The following HSD17B12 variants were observed in gnomAD, a reference collection of about 807,000 sequenced individuals.
HSD17B12 encodes the protein very-long-chain 3-oxoacyl-CoA reductase.
In HSD17B12, 32 loss-of-function variants were observed where a neutral mutation model predicts 39.3. The observed-to-expected ratio is 0.81, with a 90% CI of 0.61 to 1.09. The LOEUF is 1.09. Ranked by LOEUF, HSD17B12 falls within the 50% of genes least tolerant of loss-of-function variation. The pLI is 0.00. For synonymous variants in HSD17B12, 150 were observed against 146.7 expected, an observed-to-expected ratio of 1.02 and a Z score of -0.16; for missense variants, 342 against 382.9, an observed-to-expected ratio of 0.89 and a Z score of 0.89.
intron 3 of HSD17B12, among the ~76,000 whole-genome samples, chr11:43,763,807 T>C (rs1950574095): frequency 6.6e-6 from 1 of 151,952 alleles, no homozygotes; most frequent in East Asian, 1.9e-4. Context: ...TTAGAAATTG[T>C]CCAGGGCAAC....
intron 6 of HSD17B12, chr11:43,830,120 T>C (rs1951293178): frequency 6.6e-6 from 1 of 152,224 alleles, no homozygotes; most frequent in South Asian, 2.1e-4. Flanking sequence ...TTAATTAATA[T>C]GAAGTATTAT....
At chr11:43,686,595 GT>G (rs368909117) in intron 1 of HSD17B12, among the ~76,000 whole-genome samples, 7,667 of 131,920 alleles carry the variant, frequency 0.058, 239 homozygotes, top group Middle Eastern at 0.17. Flanking sequence ...CTCCCACCCT[GT>G]TTTTTTTTTT....
the HSD17B12 span, among the ~76,000 whole-genome samples, chr11:43,562,658 C>G: frequency 2.2e-4 from 33 of 152,188 alleles, no homozygotes; most frequent in Admixed American, 5.9e-4. Context: ...CTACCATATG[C>G]TTTTTCTTGC....
chr11:43,854,909 G>A (rs776564646), intron 10 of HSD17B12, 45 bp downstream of exon 10: 3 of 1,597,550 alleles, frequency 1.9e-6, no homozygotes, highest in Non-Finnish European at 1.7e-6. Context: ...TCTGGCTTGG[G>A]GTTTCTTTCC....
At chr11:43,688,897 C>A (rs1949827383) in intron 1 of HSD17B12, among the ~76,000 whole-genome samples, 1 of 152,146 alleles carries the variant, frequency 6.6e-6, no homozygotes, top group Non-Finnish European at 1.5e-5. Flanking sequence ...ATAGTCCTTA[C>A]TGTATTTTTA....
chr11:43,599,172 A>G, the HSD17B12 span, among the ~76,000 whole-genome samples: 17 of 152,282 alleles, frequency 1.1e-4, no homozygotes, highest in East Asian at 2.9e-3. Flanking sequence ...TGTTCACCTA[A>G]TGGTAATGAT....
At chr11:43,582,861 T>G in the HSD17B12 span, among the ~76,000 whole-genome samples, 1 of 152,012 alleles carries the variant, frequency 6.6e-6, no homozygotes, top group African/African-American at 2.4e-5. Flanking sequence ...ATAAAGGAAA[T>G]TTTCCCTCCC....
At chr11:43,791,538 A>G (rs966451470) in intron 3 of HSD17B12, among the ~76,000 whole-genome samples, 2 of 152,040 alleles carry the variant, frequency 1.3e-5, no homozygotes, top group South Asian at 2.1e-4. Context: ...TCTCAAAAAA[A>G]AAAAAGAAGA....
chr11:43,816,663 G>A (rs1268566655), intron 6 of HSD17B12, among the ~76,000 whole-genome samples: 2 of 151,892 alleles, frequency 1.3e-5, no homozygotes, highest in South Asian at 2.1e-4. Context: ...GGTGGTGTTT[G>A]GTTACATGAG....
In HSD17B12 at chr11:43,788,685, CAAAAAAA is replaced by C. The variant is rs57970272; in HGVS notation, c.284-9617_284-9611del. 4.8e-3 allele frequency among the ~76,000 whole-genome samples: 484 copies of C among 100,910 alleles called. 6 individuals are homozygous for C. In the East Asian group the frequency reaches 0.052, roughly 11 times the overall value. 66.2% of individuals were successfully genotyped at this position (100,910 alleles called of 152,430 possible). A position where few individuals can be genotyped will look rare whatever the true frequency, so the allele number is the denominator to read the frequency against. Reference sequence around the variant, plus strand: ...ACTCTGCCACCGTCATTTCCTTCCTCAAAAAAAAAAAAAAAAAAAAAAAAGAAGTGTG... The same window carrying C: ...ACTCTGCCACCGTCATTTCCTTCCTCAAAAAAAAAAAAAAAAAGAAGTGTG... On this transcript the variant is annotated intron_variant, in intron 3 of 10. Transcript: ENST00000278353.
intron 3 of HSD17B12, among the ~76,000 whole-genome samples, chr11:43,758,026 G>C (rs1009189422): frequency 6.6e-6 from 1 of 152,134 alleles, no homozygotes; most frequent in African/African-American, 2.4e-5. Flanking sequence ...GCCTTGTTAT[G>C]CAAGGGAATT....
chr11:43,821,256 C>G (rs574418041), intron 6 of HSD17B12, among the ~76,000 whole-genome samples: 2 of 152,310 alleles, frequency 1.3e-5, no homozygotes, highest in South Asian at 2.1e-4. Flanking sequence ...AGGGATGTTT[C>G]AAAGCCTTGT....
At chr11:43,677,773 C>T (rs951435732), upstream of HSD17B12, among the ~76,000 whole-genome samples, 1 of 152,174 alleles carries the variant, frequency 6.6e-6, no homozygotes, top group African/African-American at 2.4e-5. Flanking sequence ...GACATGAACT[C>T]ATCCTTTTAT....
At chr11:43,828,038 G>A (rs1951264634) in intron 6 of HSD17B12, among the ~76,000 whole-genome samples, 1 of 151,776 alleles carries the variant, frequency 6.6e-6, no homozygotes, top group South Asian at 2.1e-4. Flanking sequence ...TACTGTCACT[G>A]AAAATATATA....
At chr11:43,774,601 TC>T (rs1479234535) in intron 3 of HSD17B12, among the ~76,000 whole-genome samples, 7 of 152,218 alleles carry the variant, frequency 4.6e-5, no homozygotes, top group African/African-American at 1.7e-4. Flanking sequence ...CATTTATTTA[TC>T]TTTATCAAGT....
intron 1 of HSD17B12, among the ~76,000 whole-genome samples, chr11:43,684,332 A>G (rs898761879): frequency 6.6e-6 from 1 of 152,264 alleles, no homozygotes; most frequent in African/African-American, 2.4e-5. Context: ...CAAGTAATCA[A>G]AAAAAGATTG....
At chr11:43,662,177 G>A in the HSD17B12 span, among the ~76,000 whole-genome samples, 1 of 149,520 alleles carries the variant, frequency 6.7e-6, no homozygotes, top group Non-Finnish European at 1.5e-5. Flanking sequence ...CCTAGCCTGA[G>A]TGACAGAGTG....
intron 9 of HSD17B12, among the ~76,000 whole-genome samples, chr11:43,846,918 A>G (rs1186350438): frequency 2.0e-5 from 3 of 152,220 alleles, no homozygotes; most frequent in East Asian, 3.9e-4. Flanking sequence ...TTTAGAAAGC[A>G]CCTAATAATC....
the HSD17B12 span, among the ~76,000 whole-genome samples, chr11:43,616,976 TAA>T: frequency 2.1e-4 from 21 of 97,906 alleles, no homozygotes; most frequent in Non-Finnish European, 2.2e-4. Flanking sequence ...TATCTCAAAT[TAA>T]AAAAAAAAAA....
Sources: gnomAD v4.1 joint callset for allele counts (sites outside exome capture counted in the v4.1 genomes callset) on GRCh38, gnomAD v4.1.1 for gene constraint, MANE v1.5 for transcripts, NCBI Gene and HGNC (gene_info 2026-07-23, HGNC 2026-07-21) for gene names.